The following TIMMDC1 variants were observed in gnomAD, a reference collection of about 807,000 sequenced individuals.
TIMMDC1 encodes translocase of inner mitochondrial membrane domain containing 1, also known as complex I assembly factor TIMMDC1, mitochondrial.
In TIMMDC1, 25 loss-of-function variants were observed where a neutral mutation model predicts 32.6. That is an observed-to-expected ratio of 0.77 (90% confidence interval 0.56 to 1.07). The LOEUF (loss-of-function observed/expected upper bound fraction) is 1.07, where lower values mean the gene tolerates loss of function less well. TIMMDC1 is among the 50% of genes least tolerant of loss of function. The pLI is 0.00. For synonymous variants in TIMMDC1, 130 were observed against 127.6 expected (o/e 1.02, Z -0.13); for missense variants, 329 against 349.2 (o/e 0.94, Z 0.46).
intron 4 of TIMMDC1, among the ~76,000 whole-genome samples, chr3:119,510,036 G>A (rs1481700125): frequency 1.3e-5 from 2 of 151,960 alleles, no homozygotes; most frequent in African/African-American, 2.4e-5. Flanking sequence ...TGAATTTTGT[G>A]TTATGTAAAT....
At chr3:119,499,357 C>T (rs1002254936) in intron 1 of TIMMDC1, among the ~76,000 whole-genome samples, 2 of 151,698 alleles carry the variant, frequency 1.3e-5, no homozygotes, top group African/African-American at 4.8e-5. Flanking sequence ...ACCTCGGCCT[C>T]CCAAAGTGCT....
Position 119,498,645 on chromosome 3 carries a change from C to T in TIMMDC1, c.-89C>T, listed in dbSNP as rs2081842042. 4 of 1,320,382 alleles carry T rather than the reference C, an allele frequency of 3.0e-6. No homozygotes were observed. Among genetic ancestry groups the T allele is most frequent in the Admixed American group, 1.8e-5 (1 of 54,870 alleles). The allele number at this position is 1,320,382 out of a possible 1,614,324, so 81.8% of individuals were successfully genotyped here. A position where few individuals can be genotyped will look rare whatever the true frequency, so the allele number is the denominator to read the frequency against. On this transcript the variant is annotated 5_prime_UTR_variant, in exon 1 of 7. Coordinates refer to ENST00000494664, the MANE Select transcript of TIMMDC1 (RefSeq NM_016589.4). ...AACCTGGGTCAAATGCACGGATTCT[C>T]ACCTCGTACAGTTACGCTCTCCCGC...
rs2081842169 is a variant in TIMMDC1 at position 119,498,658 on chromosome 3, T to TA, written c.-75dup. 1 of 1,459,720 alleles carries TA rather than the reference T, an allele frequency of 6.9e-7. No homozygotes were observed. The highest frequency in any genetic ancestry group is 1.7e-5 in the Admixed American group (1 of 57,328). The allele number at this position is 1,459,720 out of a possible 1,614,324, so 90.4% of individuals were successfully genotyped here. A position where few individuals can be genotyped will look rare whatever the true frequency, so the allele number is the denominator to read the frequency against. On this transcript the variant is annotated 5_prime_UTR_variant, in exon 1 of 7. It removes the in-frame stop codon of an upstream open reading frame in the 5' UTR. Coordinates refer to ENST00000494664, the MANE Select transcript of TIMMDC1 (RefSeq NM_016589.4). ...TGCACGGATTCTCACCTCGTACAGT[T>TA]ACGCTCTCCCGCGGCACGTCCGCGA... is the stretch of plus-strand genomic sequence containing the variant.
At chr3:119,512,990 C>T (rs1204236046) in intron 4 of TIMMDC1, among the ~76,000 whole-genome samples, 1 of 152,208 alleles carries the variant, frequency 6.6e-6, no homozygotes, top group Non-Finnish European at 1.5e-5. Context: ...ATCCGCCTGC[C>T]TTGGCCTCCC....
At position 119,513,220 on chromosome 3, in the gene TIMMDC1, C is replaced by G. The variant is rs570339133; in HGVS notation, c.518-421C>G. Among the ~76,000 whole-genome samples, 7 of 152,204 alleles carry G rather than the reference C, an allele frequency of 4.6e-5. No homozygotes were observed. The South Asian group carries it at 1.5e-3, about 32-fold the overall frequency. The stretch of plus-strand genomic sequence containing the variant: ...CAAATGCTGCTTGCTTGTCACCCTG[C>G]CTGAGTGGTGCCATGTAGCAGTACA... On this transcript the variant is annotated intron_variant, in intron 4 of 6. Coordinates refer to ENST00000494664, the MANE Select transcript of TIMMDC1 (RefSeq NM_016589.4).
chr3:119,513,502 G>T (rs2081967142), intron 4 of TIMMDC1, 139 bp from the exon 5 acceptor site: 10 of 630,176 alleles, frequency 1.6e-5, no homozygotes. Flanking sequence ...TTTAGATTCA[G>T]GAAGTATAGG....
rs777184807 is a variant in TIMMDC1, at chr3:119,498,884, C to G, written c.151C>G (p.Pro51Ala). 6.2e-7 allele frequency: 1 copy of G among 1,614,022 alleles called. No individual in the cohort carries two copies. The highest frequency in any genetic ancestry group is 8.5e-7 in the Non-Finnish European group (1 of 1,180,000). ...RLPYVPEPYY[P>A]ESGWDRLREL... Reference sequence around the variant, plus strand: ...TCCCTACGTCCCAGAGCCCTATTACCCGGAATCTGGATGGGACCGCCTCCG... The same window carrying G: ...TCCCTACGTCCCAGAGCCCTATTACGCGGAATCTGGATGGGACCGCCTCCG... Residue 51 changes from proline (P) to alanine (A), a missense_variant, in exon 1 of 7, where the codon CCG becomes GCG. Physicochemically the swap from Pro to Ala is conservative, Grantham distance 27. Coordinates refer to ENST00000494664, the MANE Select transcript of TIMMDC1 (RefSeq NM_016589.4).
intron 4 of TIMMDC1, among the ~76,000 whole-genome samples, chr3:119,511,111 G>A (rs1303968549): frequency 2.0e-5 from 3 of 151,790 alleles, no homozygotes; most frequent in African/African-American, 7.3e-5. Context: ...ATATTTCTAG[G>A]CTAGACAGTT....
rs779002360 is a variant in TIMMDC1 at position 119,503,982 on chromosome 3, C to T, written c.478C>T (p.Arg160Ter). ...NTVNTSLNVY[R>*]NKDALSHFVI... ...AGTGAACACTAGTCTGAATGTATAC[C>T]GAAATAAAGATGCCTTAAGCCATTT... Residue 160 changes from arginine (R) to a stop codon, truncating the protein, a stop_gained, in exon 4 of 7, where the codon CGA (arginine) becomes TGA (stop). Coordinates refer to ENST00000494664, the MANE Select transcript of TIMMDC1 (RefSeq NM_016589.4). LOFTEE classifies it high-confidence loss of function. The T allele has an allele frequency of 5.0e-6, 8 of 1,612,842 alleles. No individual in the cohort carries two copies. The highest frequency in any genetic ancestry group is 2.2e-5 in the East Asian group (1 of 44,818).
At position 119,499,015 on chromosome 3, in the gene TIMMDC1, C is replaced by G. The variant is rs978396014; in HGVS notation, c.194+88C>G. 2.1e-5 allele frequency: 23 copies of G among 1,073,424 alleles called. No individual in the cohort carries two copies. In the African/African-American group the frequency reaches 3.3e-4, roughly 16 times the overall value. The allele number at this position is 1,073,424 out of a possible 1,614,324, so 66.5% of individuals were successfully genotyped here. A position where few individuals can be genotyped will look rare whatever the true frequency, so the allele number is the denominator to read the frequency against. On this transcript the variant is annotated intron_variant, in intron 1 of 6. Coordinates refer to ENST00000494664, the MANE Select transcript of TIMMDC1 (RefSeq NM_016589.4). The stretch of plus-strand genomic sequence containing the variant: ...GCAGCCTGGGTCAGCCTTAGGACAC[C>G]AAGGATGGTGTGCTTCATTTTTAGA...
At position 119,501,549 on chromosome 3, in the gene TIMMDC1, T is replaced by C. The variant is rs189837875; in HGVS notation, c.360+689T>C. Among the ~76,000 whole-genome samples, 220 of 152,342 alleles carry C rather than the reference T, an allele frequency of 1.4e-3. 6 individuals are homozygous for C. In the South Asian group the frequency reaches 0.032, roughly 22 times the overall value. On this transcript the variant is annotated intron_variant, in intron 2 of 6. Coordinates refer to ENST00000494664, the MANE Select transcript of TIMMDC1 (RefSeq NM_016589.4). ...AAATTCTCTTATACAACCACAATTA[T>C]AATATCAAGATCAGGAAATTAACAC...
chr3:119,514,864 G>A lies in TIMMDC1; in HGVS notation c.596+1145G>A, dbSNP rs182326886. On this transcript the variant is annotated intron_variant, in intron 5 of 6. Coordinates refer to ENST00000494664, the MANE Select transcript of TIMMDC1 (RefSeq NM_016589.4). ...ACCTGGAGGCTCTGGGGAAGAATCT[G>A]TTTCCAAGCTCATTCAGGTTGTTGA... 1.9e-4 allele frequency among the ~76,000 whole-genome samples: 29 copies of A among 152,206 alleles called. No homozygotes were observed. The East Asian group carries it at 5.6e-3, about 29-fold the overall frequency.
At position 119,519,570 on chromosome 3, in the gene TIMMDC1, T is replaced by C. The variant is rs77647018; in HGVS notation, c.707+2255T>C. 6.3e-4 allele frequency among the ~76,000 whole-genome samples: 96 copies of C among 152,266 alleles called. 1 individual carries two copies. The East Asian group carries it at 0.017, about 27-fold the overall frequency. On this transcript the variant is annotated intron_variant, in intron 6 of 6. Coordinates refer to ENST00000494664, the MANE Select transcript of TIMMDC1 (RefSeq NM_016589.4). ...CAAGAGGAAATAACAACTGTAAATA[T>C]ATATGCACCCAACACCAGAGCATCC...
At chr3:119,507,333 G>A (rs1436799166) in intron 4 of TIMMDC1, among the ~76,000 whole-genome samples, 1 of 152,150 alleles carries the variant, frequency 6.6e-6, no homozygotes, top group Admixed American at 6.5e-5. Flanking sequence ...TTTTGGTGGA[G>A]GAGGTTCCCA....
Position 119,523,680 on chromosome 3 carries a change from A to G in TIMMDC1, c.782A>G (p.Asn261Ser). The stretch of plus-strand genomic sequence containing the variant: ...AGTTTACAGGAAGATGAACCTGAGA[A>G]TGATGCTAAGAAAATTGAAGCACTG... The part of the protein sequence containing the change: ...ESSLQEDEPE[N>S]DAKKIEALLN... The change falls in exon 7 of 7, where the codon AAT becomes AGT. Residue 261 changes from asparagine to serine, a missense_variant. Transcript: ENST00000494664. The G allele has an allele frequency of 6.2e-7, 1 of 1,613,768 alleles. No individual in the cohort carries two copies. Among genetic ancestry groups the G allele is most frequent in the Non-Finnish European group, 8.5e-7 (1 of 1,179,802 alleles).
intron 4 of TIMMDC1, among the ~76,000 whole-genome samples, chr3:119,505,687 TG>T (rs200707117): frequency 5.3e-5 from 8 of 152,144 alleles, no homozygotes; most frequent in African/African-American, 1.4e-4. Flanking sequence ...AGTTTTTAAA[TG>T]TTTTTTTGGG....
At chr3:119,503,850 T>C (rs981975636) in intron 3 of TIMMDC1, 104 bp from the exon 4 acceptor site, 102 of 1,024,832 alleles carry the variant, frequency 1.0e-4, no homozygotes, top group Middle Eastern at 4.4e-4. Flanking sequence ...GGGATTGATA[T>C]AGTAGGCTTT....
At position 119,513,626 on chromosome 3, in the gene TIMMDC1, C is replaced by G. The variant is rs774221550; in HGVS notation, c.518-15C>G. ...TTAAAGATGATTTAATATTGCCTTT[C>G]TTGTTTTTAAATAGCTGTCACGGGA... On this transcript the variant is annotated splice_polypyrimidine_tract_variant and intron_variant, in intron 4 of 6. Coordinates refer to ENST00000494664, the MANE Select transcript of TIMMDC1 (RefSeq NM_016589.4). 1 of 1,601,182 alleles carries G rather than the reference C, an allele frequency of 6.2e-7. No individual in the cohort carries two copies. The highest frequency in any genetic ancestry group is 8.6e-7 in the Non-Finnish European group (1 of 1,168,586).
At chr3:119,509,834 T>C (rs908258231) in intron 4 of TIMMDC1, among the ~76,000 whole-genome samples, 1 of 152,068 alleles carries the variant, frequency 6.6e-6, no homozygotes, top group Non-Finnish European at 1.5e-5. Flanking sequence ...TACAGGCATA[T>C]GCCACCATAC....
Sources: gnomAD v4.1 joint callset for allele counts (sites outside exome capture counted in the v4.1 genomes callset) on GRCh38, gnomAD v4.1.1 for gene constraint, MANE v1.5 for transcripts, NCBI Gene and HGNC (gene_info 2026-07-23, HGNC 2026-07-21) for gene names.